The following KAZN variants were observed in gnomAD, a reference collection of about 807,000 sequenced individuals.
The protein encoded by KAZN is kazrin, periplakin interacting protein, also known as kazrin.
In KAZN, 40 loss-of-function variants were observed where a neutral mutation model predicts 87.4. The observed-to-expected ratio is 0.46, with a 90% CI of 0.36 to 0.60. KAZN has a LOEUF of 0.60. Among genes scored for constraint, KAZN ranks in the 20% least tolerant of loss-of-function variants. KAZN has a pLI of 0.00. For missense variants in KAZN, 898 were observed against 1,073.9 expected (o/e 0.84, Z 2.29); for synonymous variants, 466 against 458.3 (o/e 1.02, Z -0.22).
intron 1 of KAZN, among the ~76,000 whole-genome samples, chr1:13,993,792 G>A (rs1382235099): frequency 1.3e-5 from 2 of 152,202 alleles, no homozygotes; most frequent in African/African-American, 2.4e-5. Flanking sequence ...GGTCAGGGGT[G>A]GGCATGGGGC....
chr1:14,703,433 T>C (rs1408646141), intron 1 of KAZN, among the ~76,000 whole-genome samples: 1 of 152,206 alleles, frequency 6.6e-6, no homozygotes, highest in Non-Finnish European at 1.5e-5. Context: ...GCTTCCCCCT[T>C]CAGTGGGCAG....
intron 2 of KAZN, among the ~76,000 whole-genome samples, chr1:14,298,384 A>G (rs1654286528): frequency 6.6e-6 from 1 of 152,212 alleles, no homozygotes; most frequent in Non-Finnish European, 1.5e-5. Context: ...ATGAAACTCA[A>G]GATGGCTTGT....
chr1:13,954,975 T>G lies in KAZN; in HGVS notation c.91+61219T>G, dbSNP rs79666055. Among the ~76,000 whole-genome samples the G allele has an allele frequency of 8.9e-3, 1,358 of 152,354 alleles. 18 individuals are homozygous for G. Among genetic ancestry groups the G allele is most frequent in the African/African-American group, 0.03 (1,251 of 41,568 alleles). On this transcript the variant is annotated intron_variant, in intron 1 of 16. Transcript: ENST00000636203. The stretch of plus-strand genomic sequence containing the variant: ...GAGCTCCAATTCGTCTTAGGCTTTT[T>G]TTGTTGCAAATTTGACTCCTCGAAA...
chr1:14,060,091 G>C (rs772556940), intron 1 of KAZN, among the ~76,000 whole-genome samples: 24 of 151,090 alleles, frequency 1.6e-4, no homozygotes, highest in Non-Finnish European at 2.9e-4. Flanking sequence ...GAGCCTGGGG[G>C]CAGTGGTTCA....
chr1:14,686,071 G>GTTTGT (rs374975123), intron 1 of KAZN, among the ~76,000 whole-genome samples: 60 of 152,102 alleles, frequency 3.9e-4, no homozygotes, highest in African/African-American at 8.2e-4. Context: ...CCACTCTTTT[G>GTTTGT]TTTGTTTTGT....
upstream of KAZN, among the ~76,000 whole-genome samples, chr1:14,595,216 G>T (rs1469924664): frequency 1.3e-5 from 2 of 151,926 alleles, no homozygotes; most frequent in Non-Finnish European, 2.9e-5. Flanking sequence ...GTTACCTTAT[G>T]GGGGGGCAGC....
At chr1:14,875,505 G>GA (rs919466746) in intron 1 of KAZN, among the ~76,000 whole-genome samples, 240 of 145,700 alleles carry the variant, frequency 1.6e-3, no homozygotes, top group Admixed American at 4.0e-3. Flanking sequence ...AAAGAAAAAA[G>GA]AAAAAAAAAC....
intron 1 of KAZN, among the ~76,000 whole-genome samples, chr1:14,754,809 C>T (rs1644511547): frequency 6.6e-6 from 1 of 152,062 alleles, no homozygotes; most frequent in Non-Finnish European, 1.5e-5. Context: ...GGTAGATGCT[C>T]ACTGGAATCC....
At position 14,319,518 on chromosome 1, in the gene KAZN, G is replaced by A. The variant is rs148759234; in HGVS notation, c.249+138926G>A. Among the ~76,000 whole-genome samples the A allele has an allele frequency of 5.8e-3, 890 of 152,238 alleles. 4 individuals carry two copies. Among genetic ancestry groups the A allele is most frequent in the Non-Finnish European group, 9.0e-3 (614 of 68,012 alleles). On this transcript the variant is annotated intron_variant, in intron 2 of 16. Coordinates refer to the KAZN transcript ENST00000636203. ...AGTAGAGGGAGGGGGGCTCTATGCC[G>A]ATTCTCGGGCTCTTTTTCTGTAGAG...
rs1467201534 is a variant in KAZN at position 14,686,342 on chromosome 1, C to T, written c.226+87119C>T. ...CCTCCCAAAGTGCTGGGATTACAGG[C>T]GTGAGCCACCACGCCCAGCCCAGTC... On this transcript the variant is annotated intron_variant, in intron 1 of 14. Coordinates refer to ENST00000376030, the MANE Select transcript of KAZN (RefSeq NM_201628.3). 2.0e-5 allele frequency among the ~76,000 whole-genome samples: 3 copies of T among 152,152 alleles called. 1 individual carries two copies. Among genetic ancestry groups the T allele is most frequent in the African/African-American group, 7.2e-5 (3 of 41,442 alleles).
At chr1:14,393,587 A>C (rs1378366609) in intron 2 of KAZN, among the ~76,000 whole-genome samples, 1 of 152,172 alleles carries the variant, frequency 6.6e-6, no homozygotes, top group African/African-American at 2.4e-5. Flanking sequence ...TGCTTATTCC[A>C]GGGGACACAT....
At chr1:14,180,116 A>G (rs184421507) in intron 1 of KAZN, among the ~76,000 whole-genome samples, 67 of 152,128 alleles carry the variant, frequency 4.4e-4, no homozygotes, top group African/African-American at 1.6e-3. Flanking sequence ...TCATGTATCT[A>G]TTTAACACCT....
At chr1:14,062,118 C>G (rs1405199065) in intron 1 of KAZN, among the ~76,000 whole-genome samples, 1 of 152,134 alleles carries the variant, frequency 6.6e-6, no homozygotes, top group Non-Finnish European at 1.5e-5. Context: ...AGGAAAAATT[C>G]TATACCAGGA....
At chr1:14,779,982 G>T (rs1557482077) in intron 1 of KAZN, among the ~76,000 whole-genome samples, 1 of 152,188 alleles carries the variant, frequency 6.6e-6, no homozygotes, top group South Asian at 2.1e-4. Context: ...CATTTCACTG[G>T]TGTCAGGCTC....
chr1:14,237,589 A>G (rs577115120), intron 2 of KAZN, among the ~76,000 whole-genome samples: 35 of 152,240 alleles, frequency 2.3e-4, no homozygotes, highest in African/African-American at 7.9e-4. Flanking sequence ...AGCATAAATC[A>G]CCTGTGAACG....
intron 2 of KAZN, among the ~76,000 whole-genome samples, chr1:14,543,458 T>C (rs1408690970): frequency 1.3e-5 from 2 of 152,134 alleles, no homozygotes. Flanking sequence ...CAGGGACACA[T>C]TGGAGAGCTA....
chr1:14,466,482 T>G (rs1668137437), intron 2 of KAZN, among the ~76,000 whole-genome samples: 1 of 151,784 alleles, frequency 6.6e-6, no homozygotes, highest in African/African-American at 2.4e-5. Context: ...CAACACACAC[T>G]GGGGCCTCTC....
intron 1 of KAZN, among the ~76,000 whole-genome samples, chr1:14,944,947 G>A (rs1056845574): frequency 2.0e-5 from 3 of 152,162 alleles, no homozygotes; most frequent in Non-Finnish European, 4.4e-5. Context: ...AGTTACATTC[G>A]TTGGGTTTTG....
intron 2 of KAZN, among the ~76,000 whole-genome samples, chr1:14,181,153 T>C (rs958278496): frequency 1.3e-5 from 2 of 152,212 alleles, no homozygotes; most frequent in Non-Finnish European, 2.9e-5. Context: ...CCTTCTGGCT[T>C]TGTTGGTGGG....
Sources: gnomAD v4.1 joint callset for allele counts (sites outside exome capture counted in the v4.1 genomes callset) on GRCh38, gnomAD v4.1.1 for gene constraint, MANE v1.5 for transcripts, NCBI Gene and HGNC (gene_info 2026-07-23, HGNC 2026-07-21) for gene names.